KCNQ2: variants seen among roughly 807,000 people sequenced by gnomAD.
KCNQ2 encodes the protein potassium voltage-gated channel subfamily Q member 2.
A neutral mutation model predicts 84.8 loss-of-function variants in KCNQ2; 14 were observed. The ratio of observed to expected loss-of-function variants is 0.17; its 90% CI spans 0.11 to 0.26. The LOEUF is 0.26. Ranked by LOEUF, KCNQ2 falls within the 10% of genes least tolerant of loss-of-function variation. The pLI is 1.00. For synonymous variants in KCNQ2, 599 were observed against 554.1 expected (o/e 1.08, Z -1.14); for missense variants, 788 against 1,254.0 (o/e 0.63, Z 5.61).
chr20:63,451,540 G>A (rs911653728), intron 1 of KCNQ2, among the ~76,000 whole-genome samples: 10 of 152,156 alleles, frequency 6.6e-5, no homozygotes, highest in African/African-American at 2.4e-4. Flanking sequence ...GCCTGACCCT[G>A]TGGAAAGACA....
intron 4 of KCNQ2, 43 bp from the exon 5 acceptor site, chr20:63,442,574 A>C (rs1402122135): frequency 1.9e-6 from 3 of 1,591,566 alleles, no homozygotes; most frequent in African/African-American, 1.4e-5. Flanking sequence ...CCATCACCAG[A>C]AGCATCACCA....
chr20:63,465,163 G>C (rs1362157752), intron 1 of KCNQ2, among the ~76,000 whole-genome samples: 1 of 152,240 alleles, frequency 6.6e-6, no homozygotes, highest in Non-Finnish European at 1.5e-5. Flanking sequence ...GGGGCCACAA[G>C]AGCAGAGAGC....
chr20:63,468,154 C>A (rs6122458), intron 1 of KCNQ2, among the ~76,000 whole-genome samples: 13,818 of 152,148 alleles, frequency 0.091, 1,048 homozygotes, highest in East Asian at 0.45. Flanking sequence ...GGTCCAGGAA[C>A]CAGAGAAATC....
At chr20:63,469,543 A>C (rs979634391) in intron 1 of KCNQ2, among the ~76,000 whole-genome samples, 3 of 152,212 alleles carry the variant, frequency 2.0e-5, no homozygotes, top group Admixed American at 2.0e-4. Flanking sequence ...TCTACCCCAG[A>C]CAGTGGCTAC....
At chr20:63,413,663 G>A in intron 14 of KCNQ2, 82 bp from the exon 15 acceptor site, 2 of 1,530,178 alleles carry the variant, frequency 1.3e-6, no homozygotes, top group Non-Finnish European at 1.8e-6. Context: ...GCACCTCTGA[G>A]ACCTCGGCGC....
intron 4 of KCNQ2, among the ~76,000 whole-genome samples, chr20:63,442,806 T>TCACCA (rs1568934579): frequency 3.1e-5 from 1 of 31,980 alleles, no homozygotes; most frequent in Non-Finnish European, 6.6e-5. Flanking sequence ...ACCACCACCA[T>TCACCA]TACCACCACC....
chr20:63,459,406 G>A (rs1217504880), intron 1 of KCNQ2: 1 of 152,266 alleles, frequency 6.6e-6, no homozygotes, highest in Non-Finnish European at 1.5e-5. Flanking sequence ...CAGCGACTCG[G>A]GAGACGGAGG....
At chr20:63,417,824 C>T (rs1297829538) in intron 12 of KCNQ2, among the ~76,000 whole-genome samples, 7 of 152,338 alleles carry the variant, frequency 4.6e-5, no homozygotes, top group South Asian at 2.1e-4. Context: ...GCCCCGCCAG[C>T]GGCAGACACA....
Position 63,438,813 on chromosome 20 carries a change from C to T in KCNQ2, c.928-93G>A. On this transcript the variant is annotated intron_variant, in intron 6 of 16. Transcript: ENST00000359125. The surrounding 1 kb of genome is among the most constrained non-coding windows in gnomAD (Gnocchi z 5.1). ...ATGCTCTGGGGCCCCACACCCCCCC[C>T]AATTCATCAGGGTCAGACCACACTC... 1 of 947,512 alleles carries T rather than the reference C, an allele frequency of 1.1e-6. No individual in the cohort carries two copies. Among genetic ancestry groups the T allele is most frequent in the Non-Finnish European group, 1.7e-6 (1 of 602,586 alleles). The allele number at this position is 947,512 out of a possible 1,614,324, so 58.7% of individuals were successfully genotyped here.
chr20:63,408,587 C>T lies in KCNQ2; in HGVS notation c.1764-51G>A. Reference sequence around the variant, plus strand: ...ATGAGTTCGGGTGGGTGCAGCAGGGCCCCTGCCCTCTCCTCCTGGACCAGG... The same window carrying T: ...ATGAGTTCGGGTGGGTGCAGCAGGGTCCCTGCCCTCTCCTCCTGGACCAGG... On this transcript the variant is annotated intron_variant, in intron 15 of 16. Coordinates refer to ENST00000359125, the MANE Select transcript of KCNQ2 (RefSeq NM_172107.4). This position sits in a 1 kb window ranked among gnomAD's most constrained non-coding sequence, Gnocchi z 5.0. The T allele has an allele frequency of 6.3e-7, 1 of 1,598,536 alleles. No homozygotes were observed. The highest frequency in any genetic ancestry group is 1.1e-5 in the South Asian group (1 of 88,866).
intron 14 of KCNQ2, 125 bp downstream of exon 14, chr20:63,413,963 T>G (rs1470642568): frequency 4.0e-6 from 3 of 753,774 alleles, no homozygotes; most frequent in Non-Finnish European, 7.0e-6. Flanking sequence ...TAGCCCTTTC[T>G]TTTCCCAGTA....
At chr20:63,437,155 G>A (rs983854321) in intron 7 of KCNQ2, among the ~76,000 whole-genome samples, 1 of 152,186 alleles carries the variant, frequency 6.6e-6, no homozygotes, top group South Asian at 2.1e-4. Context: ...CTCTACCGTA[G>A]TGGTCTGGAA....
At chr20:63,413,383 A>C (rs878885716) in intron 15 of KCNQ2, 67 bp downstream of exon 15, 1 of 1,595,700 alleles carries the variant, frequency 6.3e-7, no homozygotes, top group South Asian at 1.1e-5. Context: ...CATGGGCCAC[A>C]GTGGGCTTTG....
intron 4 of KCNQ2, among the ~76,000 whole-genome samples, chr20:63,442,953 T>C (rs1394393116): frequency 2.6e-3 from 57 of 21,774 alleles, no homozygotes; most frequent in East Asian, 7.1e-3. Flanking sequence ...ATCACCATCA[T>C]CACCATCACC....
rs1161299149 is a variant in KCNQ2, at chr20:63,458,026, GGTGCACCAAGCAGGGCTGGCCAAA to G, written c.297-11213_297-11190del. Among the ~76,000 whole-genome samples the G allele has an allele frequency of 3.3e-5, 5 of 152,182 alleles. No homozygotes were observed. The South Asian group carries it at 8.3e-4, about 25-fold the overall frequency. ...ACAGGTGCTGGACAGAGACCCAGCC[GGTGCACCAAGCAGGGCTGGCCAAA>G]GTGCCCAGCCCAGCCCCATGCAGAG... On this transcript the variant is annotated intron_variant, in intron 1 of 16. Transcript: ENST00000359125.
intron 6 of KCNQ2, 34 bp downstream of exon 6, chr20:63,439,564 C>T (rs768387451): frequency 1.1e-5 from 17 of 1,517,322 alleles, no homozygotes; most frequent in Non-Finnish European, 1.5e-5. Flanking sequence ...AGACCTCGTC[C>T]CCCTCCAAGG....
chr20:63,421,770 G>A (rs1260316576), intron 11 of KCNQ2, among the ~76,000 whole-genome samples: 2 of 152,120 alleles, frequency 1.3e-5, no homozygotes, highest in Non-Finnish European at 2.9e-5. Context: ...GCAGTGAGAT[G>A]GGGTGTCGGA....
At chr20:63,463,058 T>C (rs959596424) in intron 1 of KCNQ2, among the ~76,000 whole-genome samples, 1 of 43,490 alleles carries the variant, frequency 2.3e-5, no homozygotes, top group Non-Finnish European at 4.9e-5. Flanking sequence ...GTCTTTTCTG[T>C]GTGTGTGTGT....
Position 63,439,584 on chromosome 20 carries a change from G to A in KCNQ2, c.927+14C>T. 1 of 1,595,328 alleles carries A rather than the reference G, an allele frequency of 6.3e-7. No homozygotes were observed. The highest frequency in any genetic ancestry group is 8.6e-7 in the Non-Finnish European group (1 of 1,163,648). On this transcript the variant is annotated intron_variant, in intron 6 of 16. Coordinates refer to ENST00000359125, the MANE Select transcript of KCNQ2 (RefSeq NM_172107.4). Reference sequence around the variant, plus strand: ...TCGTCCCCCTCCAAGGCAGGCAGGGGCAGCTGGACTTACTGCAGGCAGCGC... The same window carrying A: ...TCGTCCCCCTCCAAGGCAGGCAGGGACAGCTGGACTTACTGCAGGCAGCGC...
Sources: gnomAD v4.1 joint callset for allele counts (sites outside exome capture counted in the v4.1 genomes callset) on GRCh38, gnomAD v4.1.1 for gene constraint, Gnocchi (gnomAD v3.1) non-coding constraint, MANE v1.5 for transcripts, NCBI Gene and HGNC (gene_info 2026-07-23, HGNC 2026-07-21) for gene names.